Variants in LMX1A observed in about 807,000 individuals in gnomAD.
The protein encoded by LMX1A is LIM homeobox transcription factor 1 alpha.
LMX1A carries 15 observed loss-of-function variants against 49.1 expected under a neutral mutation model. That is an observed-to-expected ratio of 0.31 (90% CI 0.20 to 0.47). The LOEUF (loss-of-function observed/expected upper bound fraction) is 0.47, where lower values mean the gene tolerates loss of function less well. LMX1A is among the 20% of genes least tolerant of loss of function. LMX1A has a pLI of 1.00. For synonymous variants in LMX1A, 167 were observed against 185.7 expected, an observed-to-expected ratio of 0.90 and a Z score of 0.82; for missense variants, 372 against 475.8, an observed-to-expected ratio of 0.78 and a Z score of 2.03.
rs1303722959 is a variant in LMX1A at position 165,213,689 on chromosome 1, C to T, written c.621G>A (p.Arg207=). ...RPRTILTTQQ[R]RAFKASFEVS... ...CTTCAAATGAGGCCTTGAATGCTCG[C>T]CTCTGTTGAGTTGTCAAGATGGTTC... Residue 207 remains arginine (R), a synonymous_variant, in exon 5 of 9, where the codon AGG becomes AGA. Coordinates refer to ENST00000342310, the MANE Select transcript of LMX1A (RefSeq NM_177398.4). The T allele has an allele frequency of 2.5e-6, 4 of 1,614,102 alleles. No individual in the cohort carries two copies. The highest frequency in any genetic ancestry group is 3.4e-6 in the Non-Finnish European group (4 of 1,180,054).
chr1:165,284,167 T>C (rs541877497), intron 3 of LMX1A, among the ~76,000 whole-genome samples: 39 of 152,356 alleles, frequency 2.6e-4, no homozygotes, highest in African/African-American at 8.4e-4. Context: ...CTTTCTCATC[T>C]GCGAGATGAC....
At chr1:165,337,818 A>G (rs1186092509) in intron 3 of LMX1A, among the ~76,000 whole-genome samples, 2 of 151,438 alleles carry the variant, frequency 1.3e-5, no homozygotes, top group Non-Finnish European at 2.9e-5. Flanking sequence ...TTGCCCACTG[A>G]CCCAACATAG....
In LMX1A at chr1:165,208,114, G is replaced by T; in HGVS notation, c.766C>A (p.Arg256=). ...QRAKMKKLAR[R]QQQQQQDQQN... is the part of the protein sequence containing the mutation. ...TGATCTTGCTGCTGCTGCTGCTGTC[G>T]CCTGGCCAGCTTCTTCATCTGATAA... is the stretch of plus-strand genomic sequence containing the variant. Residue 256 remains arginine, a synonymous_variant, in exon 7 of 9, where the codon CGA becomes AGA. Transcript: ENST00000342310. 1.9e-6 allele frequency: 3 copies of T among 1,613,842 alleles called. No individual in the cohort carries two copies. Among genetic ancestry groups the T allele is most frequent in the Non-Finnish European group, 2.5e-6 (3 of 1,179,956 alleles).
intron 3 of LMX1A, among the ~76,000 whole-genome samples, 171 bp from the exon 4 acceptor site, chr1:165,249,811 A>G (rs1652991711): frequency 6.6e-6 from 1 of 152,198 alleles, no homozygotes; most frequent in African/African-American, 2.4e-5. Flanking sequence ...GAATTGAAGC[A>G]TTCAGTTGAG....
chr1:165,291,187 A>G (rs1654457292), intron 3 of LMX1A, among the ~76,000 whole-genome samples: 1 of 152,240 alleles, frequency 6.6e-6, no homozygotes, highest in Non-Finnish European at 1.5e-5. Context: ...TGAGTAATTA[A>G]GCAGCTAATG....
intron 4 of LMX1A, among the ~76,000 whole-genome samples, chr1:165,217,021 C>A (rs905412495): frequency 4.6e-5 from 7 of 152,076 alleles, no homozygotes; most frequent in Non-Finnish European, 1.0e-4. Flanking sequence ...ATTATTTCAA[C>A]ATAAAAGACA....
chr1:165,349,114 G>A (rs1242176709), intron 3 of LMX1A, among the ~76,000 whole-genome samples: 2 of 152,166 alleles, frequency 1.3e-5, no homozygotes, highest in African/African-American at 4.8e-5. Context: ...GAGGGCAGAG[G>A]GCTCCGCCTG....
intron 7 of LMX1A, among the ~76,000 whole-genome samples, chr1:165,207,096 G>A (rs1571144080): frequency 1.3e-5 from 2 of 152,238 alleles, no homozygotes; most frequent in East Asian, 3.9e-4. Flanking sequence ...CCACCAAAAA[G>A]CTTGTTAAAA....
intron 4 of LMX1A, among the ~76,000 whole-genome samples, chr1:165,231,302 T>TA (rs34917816): frequency 0.12 from 17,563 of 151,590 alleles, 1,160 homozygotes; most frequent in Admixed American, 0.14. Flanking sequence ...TTTTTTTTTT[T>TA]TTATTATTTT....
At chr1:165,301,668 G>A (rs751947328) in intron 3 of LMX1A, among the ~76,000 whole-genome samples, 1 of 152,274 alleles carries the variant, frequency 6.6e-6, no homozygotes, top group Non-Finnish European at 1.5e-5. Context: ...TGACAGCCAG[G>A]TTCCAAGATG....
chr1:165,222,551 T>A (rs1302456743), intron 4 of LMX1A, among the ~76,000 whole-genome samples: 2 of 152,192 alleles, frequency 1.3e-5, no homozygotes, highest in Admixed American at 1.3e-4. Context: ...GGGTTAATTA[T>A]CTCTCCAAAT....
intron 4 of LMX1A, among the ~76,000 whole-genome samples, chr1:165,221,469 G>A (rs562174012): frequency 2.0e-5 from 3 of 152,026 alleles, no homozygotes; most frequent in Non-Finnish European, 4.4e-5. Context: ...TCCAAGCACC[G>A]TGCACTAAGC....
intron 3 of LMX1A, among the ~76,000 whole-genome samples, chr1:165,348,739 T>G (rs1656326105): frequency 6.6e-6 from 1 of 152,072 alleles, no homozygotes. Flanking sequence ...ACACACACAC[T>G]TCCTCCACTA....
chr1:165,210,415 CA>C (rs1217465573), intron 6 of LMX1A, among the ~76,000 whole-genome samples: 5 of 152,092 alleles, frequency 3.3e-5, no homozygotes, highest in African/African-American at 1.2e-4. Flanking sequence ...ATGCTTTTAC[CA>C]AAAGACACAG....
At chr1:165,224,528 G>C (rs926540952) in intron 4 of LMX1A, among the ~76,000 whole-genome samples, 7 of 152,128 alleles carry the variant, frequency 4.6e-5, no homozygotes, top group South Asian at 2.1e-4. Flanking sequence ...GCTTTCATCA[G>C]CATTATAATT....
chr1:165,232,428 A>G (rs1256564288), intron 4 of LMX1A, among the ~76,000 whole-genome samples: 1 of 152,218 alleles, frequency 6.6e-6, no homozygotes, highest in Non-Finnish European at 1.5e-5. Context: ...CTTACATGTA[A>G]TATGGAATAG....
chr1:165,230,695 A>G (rs1239768718), intron 4 of LMX1A, among the ~76,000 whole-genome samples: 1 of 152,248 alleles, frequency 6.6e-6, no homozygotes, highest in Non-Finnish European at 1.5e-5. Flanking sequence ...ATCTAGACTA[A>G]CAATTTCACA....
intron 3 of LMX1A, among the ~76,000 whole-genome samples, chr1:165,288,553 A>G (rs573393330): frequency 6.6e-6 from 1 of 152,258 alleles, no homozygotes; most frequent in African/African-American, 2.4e-5. Context: ...GCAAGCAGCC[A>G]AGATGCGGTT....
intron 4 of LMX1A, among the ~76,000 whole-genome samples, chr1:165,244,291 A>G (rs966750781): frequency 7.2e-5 from 11 of 152,156 alleles, no homozygotes; most frequent in African/African-American, 2.7e-4. Context: ...AGTAAATGTA[A>G]GTAAAGTGTG....
Sources: gnomAD v4.1 joint callset for allele counts (sites outside exome capture counted in the v4.1 genomes callset) on GRCh38, gnomAD v4.1.1 for gene constraint, MANE v1.5 for transcripts, NCBI Gene and HGNC (gene_info 2026-07-23, HGNC 2026-07-21) for gene names.